USH2A: variants seen among roughly 807,000 people sequenced by gnomAD.
USH2A encodes Usher syndrome 2A (autosomal recessive, mild).
USH2A carries 443 observed loss-of-function variants against 538.9 expected under a neutral mutation model. The ratio of observed to expected loss-of-function variants is 0.82; its 90% CI spans 0.76 to 0.89. The LOEUF is 0.89. Among genes scored for constraint, USH2A ranks in the 40% least tolerant of loss-of-function variants. The pLI, the probability that USH2A is intolerant of heterozygous loss-of-function variation, is 0.00. For synonymous variants in USH2A, 2,413 were observed against 2,273.5 expected, an observed-to-expected ratio of 1.06 and a Z score of -1.75; for missense variants, 6,633 against 6,324.8, an observed-to-expected ratio of 1.05 and a Z score of -1.65.
chr1:215,716,654 T>C (rs1659496842), intron 61 of USH2A, among the ~76,000 whole-genome samples: 1 of 152,234 alleles, frequency 6.6e-6, no homozygotes, highest in Non-Finnish European at 1.5e-5. Flanking sequence ...TATCTTTCAG[T>C]GTTAGACAAC....
chr1:216,107,665 C>T (rs1447664054), intron 21 of USH2A, among the ~76,000 whole-genome samples: 1 of 146,764 alleles, frequency 6.8e-6, no homozygotes, highest in Admixed American at 6.9e-5. Flanking sequence ...TTTGAATTCT[C>T]TCTTTTCTTA....
At chr1:215,982,681 T>C (rs1283919004) in intron 35 of USH2A, among the ~76,000 whole-genome samples, 2 of 152,194 alleles carry the variant, frequency 1.3e-5, no homozygotes, top group African/African-American at 2.4e-5. Flanking sequence ...TCAGTAACTA[T>C]GGGGTAGCTA....
At chr1:216,009,597 A>G (rs927278394) in intron 32 of USH2A, among the ~76,000 whole-genome samples, 1 of 151,958 alleles carries the variant, frequency 6.6e-6, no homozygotes, top group Admixed American at 6.6e-5. Context: ...CTGTCCCCTC[A>G]GTCTCAACCC....
At chr1:215,760,128 A>T (rs577187568) in intron 56 of USH2A, among the ~76,000 whole-genome samples, 2 of 152,324 alleles carry the variant, frequency 1.3e-5, no homozygotes, top group Admixed American at 6.5e-5. Flanking sequence ...CTGAGAGATC[A>T]TCTGGGGATT....
chr1:216,340,300 G>A (rs554276211), intron 4 of USH2A, among the ~76,000 whole-genome samples: 28 of 151,898 alleles, frequency 1.8e-4, no homozygotes, highest in Middle Eastern at 6.8e-3. Context: ...AGGAAAAGTC[G>A]AATCCCTGAA....
At chr1:216,050,583 T>TCCTTTC (rs376056256) in intron 30 of USH2A, among the ~76,000 whole-genome samples, 1 of 35,848 alleles carries the variant, frequency 2.8e-5, no homozygotes, top group Non-Finnish European at 7.4e-5. Context: ...TTTCTTTCTT[T>TCCTTTC]CTTTCTTTCT....
intron 35 of USH2A, among the ~76,000 whole-genome samples, chr1:215,990,395 A>C (rs1253497283): frequency 6.6e-6 from 1 of 152,196 alleles, no homozygotes; most frequent in Non-Finnish European, 1.5e-5. Flanking sequence ...TATATATGCC[A>C]CTGATCAAAG....
chr1:216,198,607 C>G, intron 17 of USH2A, 23 bp from the exon 18 acceptor site: 1 of 1,604,844 alleles, frequency 6.2e-7, no homozygotes. Context: ...AATAGTGAAC[C>G]TACGTAACTC....
intron 61 of USH2A, among the ~76,000 whole-genome samples, chr1:215,699,489 C>A (rs1658935109): frequency 6.6e-6 from 1 of 152,070 alleles, no homozygotes; most frequent in African/African-American, 2.4e-5. Context: ...CCTCTCTTAA[C>A]TTCCTTGTGC....
At chr1:216,062,758 G>A (rs573634655) in intron 30 of USH2A, among the ~76,000 whole-genome samples, 5 of 152,258 alleles carry the variant, frequency 3.3e-5, no homozygotes, top group South Asian at 2.1e-4. Context: ...CTACTAAAAT[G>A]AGGAAGACAA....
intron 49 of USH2A, among the ~76,000 whole-genome samples, chr1:215,800,927 G>T (rs1443005118): frequency 6.6e-6 from 1 of 152,046 alleles, no homozygotes; most frequent in Non-Finnish European, 1.5e-5. Context: ...AAATGATTCT[G>T]CAACATGACC....
chr1:215,654,314 T>C (rs889044171), intron 64 of USH2A, among the ~76,000 whole-genome samples: 10 of 152,060 alleles, frequency 6.6e-5, no homozygotes, highest in Non-Finnish European at 8.8e-5. Flanking sequence ...ATGCTATCCC[T>C]CCCCCAGCCT....
chr1:215,692,127 G>A lies in USH2A; in HGVS notation c.12067-11751C>T, dbSNP rs555780172. Among the ~76,000 whole-genome samples, 14 of 152,330 alleles carry A rather than the reference G, an allele frequency of 9.2e-5. No homozygotes were observed. In the South Asian group the frequency reaches 2.9e-3, roughly 32 times the overall value. On this transcript the variant is annotated intron_variant, in intron 61 of 71. Transcript: ENST00000307340. Reference sequence around the variant, plus strand: ...CAAATGCTGCTGAAATGTTAAGGAAGCTGTGCATAGGAAGAGCTCTTGATT... The same window carrying A: ...CAAATGCTGCTGAAATGTTAAGGAAACTGTGCATAGGAAGAGCTCTTGATT...
intron 3 of USH2A, among the ~76,000 whole-genome samples, chr1:216,411,171 C>A (rs910961523): frequency 6.6e-6 from 1 of 152,140 alleles, no homozygotes; most frequent in Non-Finnish European, 1.5e-5. Context: ...CCATGTCCCA[C>A]TTTGCCAGCG....
At chr1:215,901,063 T>G (rs1665485880) in intron 38 of USH2A, 158 bp from the exon 39 acceptor site, 1 of 878,714 alleles carries the variant, frequency 1.1e-6, no homozygotes, top group Non-Finnish European at 1.8e-6. Flanking sequence ...CCTGAACTCC[T>G]GTACTTCCTT....
chr1:215,667,533 C>G (rs570352554), intron 64 of USH2A, among the ~76,000 whole-genome samples: 1 of 151,986 alleles, frequency 6.6e-6, no homozygotes, highest in Non-Finnish European at 1.5e-5. Flanking sequence ...CCCGTCTCTA[C>G]TAAAAATACA....
chr1:215,666,099 C>T (rs901356301), intron 64 of USH2A, among the ~76,000 whole-genome samples: 4 of 152,184 alleles, frequency 2.6e-5, no homozygotes, highest in Admixed American at 2.0e-4. Flanking sequence ...TTTATTAAAG[C>T]TAATCCTCCA....
intron 3 of USH2A, 66 bp downstream of exon 3, chr1:216,418,447 TA>T: frequency 6.3e-7 from 1 of 1,584,400 alleles, no homozygotes; most frequent in Non-Finnish European, 8.6e-7. Flanking sequence ...AGATGCCATT[TA>T]AAAGAGAGAA....
At position 216,051,533 on chromosome 1, in the gene USH2A, C is replaced by A. The variant is rs146345099; in HGVS notation, c.6050-2886G>T. 5.1e-3 allele frequency among the ~76,000 whole-genome samples: 779 copies of A among 152,272 alleles called. 5 individuals are homozygous for A. The highest frequency in any genetic ancestry group is 0.017 in the African/African-American group (721 of 41,550). ...GACTTGCATGGCTGAATTAGTATAA[C>A]GCCATGCTAACAAGAAATGAATCAG... On this transcript the variant is annotated intron_variant, in intron 30 of 71. Transcript: ENST00000307340.
Sources: allele counts gnomAD v4.1 joint callset (sites outside exome capture counted in the v4.1 genomes callset), GRCh38; gene constraint gnomAD v4.1.1; transcripts MANE v1.5; gene names NCBI Gene and HGNC (gene_info 2026-07-23, HGNC 2026-07-21).